Variants in COP1 observed in about 807,000 individuals in gnomAD.
COP1 encodes the protein E3 ubiquitin-protein ligase COP1.
Under a neutral mutation model 101.3 loss-of-function variants are expected in COP1, and 24 were observed. That is an observed-to-expected ratio of 0.24 (90% confidence interval 0.17 to 0.33). The LOEUF is 0.33. COP1 is among the 10% of genes least tolerant of loss of function. COP1 has a pLI of 1.00. For missense variants in COP1, 663 were observed against 906.2 expected (o/e 0.73, Z 3.45); for synonymous variants, 347 against 341.9 (o/e 1.01, Z -0.17).
chr1:175,973,386 C>T (rs932978723), intron 18 of COP1, among the ~76,000 whole-genome samples: 17 of 152,224 alleles, frequency 1.1e-4, no homozygotes, highest in Non-Finnish European at 1.8e-4. Context: ...TTTCCATTCT[C>T]GTATTTTTAA....
intron 8 of COP1, among the ~76,000 whole-genome samples, chr1:176,119,815 C>G (rs1572355383): frequency 6.6e-6 from 1 of 152,214 alleles, no homozygotes; most frequent in Non-Finnish European, 1.5e-5. Flanking sequence ...TATGCACTAA[C>G]CTAAATAATT....
At chr1:176,055,929 A>C (rs1204693973) in intron 11 of COP1, among the ~76,000 whole-genome samples, 1 of 151,934 alleles carries the variant, frequency 6.6e-6, no homozygotes, top group Non-Finnish European at 1.5e-5. Flanking sequence ...ATTTATCATT[A>C]CTTTTTCAGT....
At chr1:176,035,882 A>G (rs912756929) in intron 14 of COP1, among the ~76,000 whole-genome samples, 5 of 152,204 alleles carry the variant, frequency 3.3e-5, no homozygotes, top group Middle Eastern at 3.4e-3. Context: ...CATAAAACAA[A>G]TAACAAATTA....
chr1:176,177,920 T>C (rs1406094880), intron 2 of COP1, among the ~76,000 whole-genome samples: 1 of 152,202 alleles, frequency 6.6e-6, no homozygotes, highest in Non-Finnish European at 1.5e-5. Context: ...ACAGTGGTCT[T>C]TGGCAAATCA....
chr1:176,094,382 A>G (rs1304357751), intron 9 of COP1, among the ~76,000 whole-genome samples: 1 of 151,464 alleles, frequency 6.6e-6, no homozygotes, highest in Non-Finnish European at 1.5e-5. Flanking sequence ...AAATAATATT[A>G]ATATAAAAAA....
intron 15 of COP1, among the ~76,000 whole-genome samples, chr1:175,993,364 C>T (rs571604146): frequency 2.6e-5 from 4 of 152,310 alleles, no homozygotes; most frequent in African/African-American, 9.6e-5. Context: ...AACGCAGCTC[C>T]TCACCAGCAA....
At chr1:176,096,387 C>CA (rs1247387634) in intron 9 of COP1, among the ~76,000 whole-genome samples, 9 of 152,336 alleles carry the variant, frequency 5.9e-5, no homozygotes, top group Non-Finnish European at 1.3e-4. Flanking sequence ...GGCAGCTCCC[C>CA]ACTCCCCTTA....
intron 11 of COP1, 65 bp from the exon 12 acceptor site, chr1:176,046,389 T>G: frequency 6.8e-7 from 1 of 1,481,402 alleles, no homozygotes; most frequent in Non-Finnish European, 9.2e-7. Context: ...CTAAAGTAAT[T>G]CGGTCTACAA....
chr1:176,111,167 T>A (rs1392878764), intron 9 of COP1, among the ~76,000 whole-genome samples: 2 of 152,008 alleles, frequency 1.3e-5, no homozygotes, highest in East Asian at 1.9e-4. Context: ...ATAAAAATAA[T>A]AATAATAACA....
At chr1:175,994,697 A>G (rs11590045) in intron 15 of COP1, among the ~76,000 whole-genome samples, 5,130 of 152,360 alleles carry the variant, frequency 0.034, 118 homozygotes, top group Non-Finnish European at 0.047. Flanking sequence ...AGAGCTAACT[A>G]TGCTAAATAT....
In COP1 at chr1:175,988,379, T is replaced by C. The variant is rs753519880; in HGVS notation, c.1881A>G (p.Val627=). Residue 627 remains valine, a synonymous_variant, in exon 17 of 20, where the codon GTA becomes GTG. Coordinates refer to ENST00000367669, the MANE Select transcript of COP1 (RefSeq NM_022457.7). ...AGGAACGTAGGCAGTATGGTTTCCC[T>C]ACATTCCACAGTTTTAGCTGACTGT... ...STDSQLKLWN[V]GKPYCLRSFK... 4.3e-6 allele frequency: 7 copies of C among 1,609,878 alleles called. No individual in the cohort carries two copies. Among genetic ancestry groups the C allele is most frequent in the South Asian group, 2.2e-5 (2 of 90,616 alleles).
At chr1:175,945,460 C>T (rs1419482440) in intron 19 of COP1, among the ~76,000 whole-genome samples, 1 of 152,172 alleles carries the variant, frequency 6.6e-6, no homozygotes, top group African/African-American at 2.4e-5. Flanking sequence ...AGCACAAATA[C>T]ATTTTTGGAA....
At chr1:175,993,377 G>A (rs533826178) in intron 15 of COP1, among the ~76,000 whole-genome samples, 30 of 152,314 alleles carry the variant, frequency 2.0e-4, no homozygotes, top group Non-Finnish European at 4.0e-4. Context: ...ACCAGCAACG[G>A]AACAAAGCTG....
At position 176,130,899 on chromosome 1, in the gene COP1, T is replaced by C. The variant is rs566638662; in HGVS notation, c.968+4111A>G. ...AGAAATCTTTACAAAACAAAACAAG[T>C]GGTTAATTCTATCTCCTGCTTCCTT... On this transcript the variant is annotated intron_variant, in intron 8 of 19. Coordinates refer to ENST00000367669, the MANE Select transcript of COP1 (RefSeq NM_022457.7). Among the ~76,000 whole-genome samples the C allele has an allele frequency of 1.3e-4, 20 of 151,836 alleles. No individual in the cohort carries two copies. The South Asian group carries it at 4.2e-3, about 32-fold the overall frequency.
At chr1:176,085,571 G>C (rs1283030112) in intron 10 of COP1, among the ~76,000 whole-genome samples, 1 of 152,010 alleles carries the variant, frequency 6.6e-6, no homozygotes, top group Non-Finnish European at 1.5e-5. Context: ...TAAAGATTCA[G>C]AATTCACAAA....
At chr1:176,164,359 T>G (rs549969121) in intron 3 of COP1, among the ~76,000 whole-genome samples, 7 of 152,332 alleles carry the variant, frequency 4.6e-5, no homozygotes, top group African/African-American at 1.7e-4. Flanking sequence ...CTCTTTTTCT[T>G]GATAATAACA....
chr1:176,135,926 A>G (rs1487946146), intron 7 of COP1, among the ~76,000 whole-genome samples: 1 of 61,136 alleles, frequency 1.6e-5, no homozygotes, highest in East Asian at 1.3e-3. Flanking sequence ...ATGTATCAGC[A>G]AAAAAAAATT....
chr1:176,012,377 T>C lies in COP1; in HGVS notation c.1729+15195A>G, dbSNP rs1312866800. The stretch of plus-strand genomic sequence containing the variant: ...CTGAGCTCAAGTGATCCACTCACCT[T>C]GACCTCCCAAAGTGCTGGGATTATA... On this transcript the variant is annotated intron_variant, in intron 15 of 19. Coordinates refer to ENST00000367669, the MANE Select transcript of COP1 (RefSeq NM_022457.7). 3.3e-5 allele frequency among the ~76,000 whole-genome samples: 5 copies of C among 152,116 alleles called. No individual in the cohort carries two copies. The East Asian group carries it at 9.6e-4, about 29-fold the overall frequency.
chr1:175,990,633 T>C (rs113349669), intron 15 of COP1, among the ~76,000 whole-genome samples: 6,649 of 152,266 alleles, frequency 0.044, 198 homozygotes, highest in South Asian at 0.086. Context: ...TATCACAGAT[T>C]TTCTTTTCAT....
Sources: gnomAD v4.1 joint callset for allele counts (sites outside exome capture counted in the v4.1 genomes callset) on GRCh38, gnomAD v4.1.1 for gene constraint, MANE v1.5 for transcripts, NCBI Gene and HGNC (gene_info 2026-07-23, HGNC 2026-07-21) for gene names.